Variants in MIPOL1 observed in about 807,000 individuals in gnomAD.
MIPOL1 encodes mirror-image polydactyly 1, also known as mirror-image polydactyly gene 1 protein.
Under a neutral mutation model 60.9 loss-of-function variants are expected in MIPOL1, and 57 were observed. The ratio of observed to expected loss-of-function variants is 0.94; its 90% confidence interval spans 0.76 to 1.17. The LOEUF (loss-of-function observed/expected upper bound fraction) is 1.17, where lower values mean the gene tolerates loss of function less well. Ranked by LOEUF, MIPOL1 falls within the 50% of genes most tolerant of loss-of-function variation. The probability of loss-of-function intolerance (pLI) is 0.00; values close to 1 mark genes in which losing one functional copy is unlikely to be tolerated. For synonymous variants in MIPOL1, 179 were observed against 168.8 expected (o/e 1.06, Z -0.47); for missense variants, 551 against 511.6 (o/e 1.08, Z -0.74).
At chr14:37,429,720 T>C (rs555726028) in intron 11 of MIPOL1, among the ~76,000 whole-genome samples, 59 of 152,234 alleles carry the variant, frequency 3.9e-4, no homozygotes, top group South Asian at 1.0e-3. Flanking sequence ...TATATTACTT[T>C]AGTAAATTTT....
chr14:37,495,752 G>A (rs2153609860), intron 11 of MIPOL1, among the ~76,000 whole-genome samples: 1 of 150,334 alleles, frequency 6.7e-6, no homozygotes, highest in South Asian at 2.1e-4. Flanking sequence ...CACCAACAGT[G>A]TAAAAGTGTT....
At chr14:37,356,773 C>T (rs528399627) in intron 9 of MIPOL1, among the ~76,000 whole-genome samples, 29 of 152,310 alleles carry the variant, frequency 1.9e-4, no homozygotes, top group East Asian at 5.8e-4. Flanking sequence ...GGCTCACGCA[C>T]GGTGCGCGAA....
At chr14:37,309,671 A>G (rs2087123599) in intron 9 of MIPOL1, among the ~76,000 whole-genome samples, 1 of 150,410 alleles carries the variant, frequency 6.6e-6, no homozygotes, top group Non-Finnish European at 1.5e-5. Context: ...CATTCATGCT[A>G]GAACTCTGAC....
chr14:37,398,030 G>A (rs919804812), intron 10 of MIPOL1, among the ~76,000 whole-genome samples: 2 of 152,138 alleles, frequency 1.3e-5, no homozygotes, highest in African/African-American at 2.4e-5. Flanking sequence ...TTCAGCTGGA[G>A]ATTTCCTTCT....
intron 3 of MIPOL1, among the ~76,000 whole-genome samples, chr14:37,262,758 A>C (rs1181503786): frequency 6.6e-6 from 1 of 152,138 alleles, no homozygotes; most frequent in African/African-American, 2.4e-5. Flanking sequence ...CTGAGCTCCC[A>C]GGTAGCTGGG....
intron 10 of MIPOL1, among the ~76,000 whole-genome samples, chr14:37,382,635 G>T (rs2092955173): frequency 6.6e-6 from 1 of 151,916 alleles, no homozygotes. Context: ...AACATTCACA[G>T]ACTGACATAG....
chr14:37,388,857 C>T (rs1180276056), intron 10 of MIPOL1, among the ~76,000 whole-genome samples: 2 of 151,936 alleles, frequency 1.3e-5, no homozygotes, highest in African/African-American at 4.8e-5. Context: ...TGCGTAGGAC[C>T]CCAAAACTTT....
chr14:37,335,337 C>T (rs1316739489), intron 9 of MIPOL1, among the ~76,000 whole-genome samples: 1 of 152,046 alleles, frequency 6.6e-6, no homozygotes, highest in East Asian at 1.9e-4. Context: ...CAGTAGTGTT[C>T]GCATCACCAT....
At chr14:37,266,273 T>TTAC (rs1260809788) in intron 3 of MIPOL1, among the ~76,000 whole-genome samples, 2 of 152,134 alleles carry the variant, frequency 1.3e-5, no homozygotes, top group Admixed American at 1.3e-4. Flanking sequence ...AAACAACCAT[T>TTAC]TACATTTGAC....
chr14:37,227,476 TGTG>T (rs948517014), intron 1 of MIPOL1, among the ~76,000 whole-genome samples: 36 of 152,098 alleles, frequency 2.4e-4, no homozygotes, highest in Admixed American at 2.0e-3. Context: ...ACATGAAGTG[TGTG>T]GTGTGTGTGT....
At chr14:37,435,821 TG>T (rs976946592) in intron 11 of MIPOL1, among the ~76,000 whole-genome samples, 8 of 148,978 alleles carry the variant, frequency 5.4e-5, no homozygotes, top group African/African-American at 2.0e-4. Context: ...CAATGAGTTT[TG>T]TAAGTTTTGA....
At chr14:37,332,981 A>C (rs1418792089) in intron 9 of MIPOL1, among the ~76,000 whole-genome samples, 1 of 152,204 alleles carries the variant, frequency 6.6e-6, no homozygotes, top group Non-Finnish European at 1.5e-5. Flanking sequence ...GCAATACTTT[A>C]GCTCACTGCA....
intron 1 of MIPOL1, among the ~76,000 whole-genome samples, chr14:37,212,873 A>T (rs1966930516): frequency 6.6e-6 from 1 of 152,178 alleles, no homozygotes; most frequent in African/African-American, 2.4e-5. Context: ...TAGAACAGAG[A>T]GAGAGAGATT....
intron 11 of MIPOL1, among the ~76,000 whole-genome samples, chr14:37,479,491 C>T (rs914806043): frequency 6.6e-6 from 1 of 151,872 alleles, no homozygotes; most frequent in African/African-American, 2.4e-5. Flanking sequence ...TATCTTGAGA[C>T]AAATGAAAAT....
intron 9 of MIPOL1, among the ~76,000 whole-genome samples, chr14:37,351,868 A>G (rs1215159639): frequency 6.7e-6 from 1 of 150,086 alleles, no homozygotes; most frequent in African/African-American, 2.5e-5. Flanking sequence ...TTGCCTGTTC[A>G]CTCTGATGGT....
rs926472124 is a variant in MIPOL1, at chr14:37,273,493, CT to C, written c.493+2975del. ...AGTTTTGCCATTTTTTACCCACACC[CT>C]TTTTTTAGTCTTTCAGCTTTTCCTT... On this transcript the variant is annotated intron_variant, in intron 6 of 12. Transcript: ENST00000684589. 2.7e-5 allele frequency among the ~76,000 whole-genome samples: 4 copies of C among 150,918 alleles called. No homozygotes were observed. The East Asian group carries it at 5.8e-4, about 22-fold the overall frequency.
chr14:37,499,800 T>C, intron 11 of MIPOL1, 108 bp from the exon 12 acceptor site: 1 of 508,692 alleles, frequency 2.0e-6, no homozygotes, highest in Non-Finnish European at 3.5e-6. Context: ...ATTTAAGTAT[T>C]TATTGATTTT....
At chr14:37,291,453 T>TTGTA (rs1442932183) in intron 7 of MIPOL1, among the ~76,000 whole-genome samples, 3 of 151,972 alleles carry the variant, frequency 2.0e-5, no homozygotes, top group African/African-American at 7.2e-5. Flanking sequence ...TGTTATTTAT[T>TTGTA]TATTTTTGAT....
intron 12 of MIPOL1, among the ~76,000 whole-genome samples, chr14:37,510,491 C>G (rs1403254257): frequency 2.0e-5 from 3 of 152,168 alleles, no homozygotes; most frequent in African/African-American, 7.2e-5. Context: ...CCCGCCTCAG[C>G]CTCCCAAAGT....
Sources: gnomAD v4.1 joint callset for allele counts (sites outside exome capture counted in the v4.1 genomes callset) on GRCh38, gnomAD v4.1.1 for gene constraint, MANE v1.5 for transcripts, NCBI Gene and HGNC (gene_info 2026-07-23, HGNC 2026-07-21) for gene names.